MEIS1: variants seen among roughly 807,000 people sequenced by gnomAD.
MEIS1 encodes homeobox protein Meis1.
Under a neutral mutation model 50.8 loss-of-function variants are expected in MEIS1, and 5 were observed. The ratio of observed to expected loss-of-function variants is 0.10; its 90% confidence interval spans 0.05 to 0.21. The LOEUF (loss-of-function observed/expected upper bound fraction) is 0.21, where lower values mean the gene tolerates loss of function less well. MEIS1 is among the 10% of genes least tolerant of loss of function. MEIS1 has a pLI of 1.00. For missense variants in MEIS1, 318 were observed against 517.3 expected (o/e 0.61, Z 3.74); for synonymous variants, 176 against 179.3 (o/e 0.98, Z 0.15).
chr2:66,441,479 C>A lies in MEIS1; in HGVS notation c.483+15C>A. 6.5e-7 allele frequency: 1 copy of A among 1,536,158 alleles called. No individual in the cohort carries two copies. Among genetic ancestry groups the A allele is most frequent in the South Asian group, 1.3e-5 (1 of 79,462 alleles). On this transcript the variant is annotated intron_variant, in intron 5 of 12. Transcript: ENST00000272369. ...AATTAGAGAAGGTAATTTCTCTAGCCTCTTTTCCTTTTACTTACCCCTTAC... is the reference window on the plus strand; with the variant it reads ...AATTAGAGAAGGTAATTTCTCTAGCATCTTTTCCTTTTACTTACCCCTTAC...
intron 8 of MEIS1, among the ~76,000 whole-genome samples, chr2:66,544,608 T>A (rs1249205854): frequency 2.6e-5 from 4 of 152,188 alleles, no homozygotes; most frequent in Non-Finnish European, 2.9e-5. Context: ...TGACATTTAA[T>A]TTGTCCAGGC....
At chr2:66,477,901 C>T (rs1393114691) in intron 7 of MEIS1, among the ~76,000 whole-genome samples, 1 of 152,164 alleles carries the variant, frequency 6.6e-6, no homozygotes, top group Non-Finnish European at 1.5e-5. Context: ...GGATTAGAAA[C>T]AGTATACCGT....
intron 8 of MEIS1, among the ~76,000 whole-genome samples, chr2:66,530,236 T>G (rs925982861): frequency 1.3e-5 from 2 of 151,702 alleles, no homozygotes; most frequent in African/African-American, 4.8e-5. Context: ...AAAAAGACTT[T>G]CAGAGTGTAG....
intron 7 of MEIS1, among the ~76,000 whole-genome samples, chr2:66,470,885 T>A (rs67058070): frequency 6.6e-6 from 1 of 151,922 alleles, no homozygotes; most frequent in African/African-American, 2.4e-5. Flanking sequence ...GACAGACAAA[T>A]GTTCTGTCTT....
chr2:66,549,256 G>A, intron 9 of MEIS1, among the ~76,000 whole-genome samples: 1 of 152,098 alleles, frequency 6.6e-6, no homozygotes, highest in East Asian at 1.9e-4. Context: ...ACTCACATAA[G>A]AATTGCTTGT....
At chr2:66,483,778 G>A (rs1673074940) in intron 7 of MEIS1, among the ~76,000 whole-genome samples, 1 of 152,202 alleles carries the variant, frequency 6.6e-6, no homozygotes, top group South Asian at 2.1e-4. Flanking sequence ...ATTACAGGTT[G>A]AATGGCATAC....
Position 66,464,274 on chromosome 2 carries a change from A to C in MEIS1, c.742+54A>C, listed in dbSNP as rs183014796. 25 of 1,404,464 alleles carry C rather than the reference A, an allele frequency of 1.8e-5. No individual in the cohort carries two copies. The African/African-American group carries it at 3.3e-4, about 18-fold the overall frequency. The allele number at this position is 1,404,464 out of a possible 1,614,324, so 87.0% of individuals were successfully genotyped here. A position where few individuals can be genotyped will look rare whatever the true frequency, so the allele number is the denominator to read the frequency against. On this transcript the variant is annotated intron_variant, in intron 7 of 12. Transcript: ENST00000272369. ...CTTGTTTCATTTTTAAGGATTGAAA[A>C]ATCAGAAATGTCTAGTGAGTTACTA...
chr2:66,528,461 TG>T (rs2103888117), intron 8 of MEIS1, among the ~76,000 whole-genome samples: 2 of 152,270 alleles, frequency 1.3e-5, no homozygotes, highest in East Asian at 3.9e-4. Context: ...CTCTCCTTGC[TG>T]TCAGCGTCGT....
intron 9 of MEIS1, among the ~76,000 whole-genome samples, chr2:66,566,066 G>A (rs1468344920): frequency 6.6e-6 from 1 of 152,078 alleles, no homozygotes; most frequent in Non-Finnish European, 1.5e-5. Context: ...AACACAATTT[G>A]TTGTAGACCT....
chr2:66,550,636 A>G (rs1055018346), intron 9 of MEIS1, among the ~76,000 whole-genome samples: 2 of 152,018 alleles, frequency 1.3e-5, no homozygotes, highest in Non-Finnish European at 2.9e-5. Context: ...AGTTGGGAAT[A>G]CAGGCATATG....
intron 8 of MEIS1, among the ~76,000 whole-genome samples, chr2:66,515,189 A>G (rs1184410071): frequency 1.3e-5 from 2 of 152,220 alleles, no homozygotes; most frequent in Non-Finnish European, 2.9e-5. Context: ...AACAATAGCA[A>G]TACCAATTTA....
At chr2:66,545,117 T>C (rs568212970) in intron 8 of MEIS1, among the ~76,000 whole-genome samples, 3 of 152,310 alleles carry the variant, frequency 2.0e-5, no homozygotes, top group African/African-American at 7.2e-5. Context: ...GTATAAATAA[T>C]AATTTTTATC....
chr2:66,508,540 CA>C (rs1021570823), intron 7 of MEIS1, among the ~76,000 whole-genome samples: 4 of 152,336 alleles, frequency 2.6e-5, no homozygotes, highest in African/African-American at 9.6e-5. Context: ...TAGAATGTTG[CA>C]TATGTGCGGC....
intron 7 of MEIS1, among the ~76,000 whole-genome samples, chr2:66,482,553 G>A (rs954483733): frequency 6.6e-6 from 1 of 152,206 alleles, no homozygotes; most frequent in African/African-American, 2.4e-5. Flanking sequence ...AGAGAATACA[G>A]AATGACATAT....
At chr2:66,543,900 T>A (rs936932332) in intron 8 of MEIS1, among the ~76,000 whole-genome samples, 24 of 152,162 alleles carry the variant, frequency 1.6e-4, no homozygotes, top group Admixed American at 1.6e-3. Flanking sequence ...GTGGTCAAAT[T>A]TGCTTTGATA....
chr2:66,504,200 C>T (rs1673632113), intron 7 of MEIS1, among the ~76,000 whole-genome samples: 1 of 151,978 alleles, frequency 6.6e-6, no homozygotes, highest in African/African-American at 2.4e-5. Context: ...CAGAAAAAGG[C>T]TGTGAGCTCA....
At chr2:66,494,489 A>G (rs781343244) in intron 7 of MEIS1, among the ~76,000 whole-genome samples, 5 of 152,194 alleles carry the variant, frequency 3.3e-5, no homozygotes, top group Admixed American at 6.5e-5. Context: ...TGCTAGTACC[A>G]GGCCCTGAGG....
At chr2:66,565,528 G>A (rs3772025) in intron 9 of MEIS1, among the ~76,000 whole-genome samples, 13,314 of 152,146 alleles carry the variant, frequency 0.088, 683 homozygotes, top group East Asian at 0.21. Context: ...CAGGGAGGAG[G>A]GTGCTTGCTA....
chr2:66,552,005 T>C (rs1019745422), intron 9 of MEIS1, among the ~76,000 whole-genome samples: 1 of 150,746 alleles, frequency 6.6e-6, no homozygotes, highest in African/African-American at 2.5e-5. Context: ...GACCTTTAAG[T>C]ATTTAAGTAG....
Sources: gnomAD v4.1 joint callset for allele counts (sites outside exome capture counted in the v4.1 genomes callset) on GRCh38, gnomAD v4.1.1 for gene constraint, MANE v1.5 for transcripts, NCBI Gene and HGNC (gene_info 2026-07-23, HGNC 2026-07-21) for gene names.